The following NRXN3 variants were observed in gnomAD, a reference collection of about 807,000 sequenced individuals.
NRXN3 encodes the protein neurexin III.
A neutral mutation model predicts 137.6 loss-of-function variants in NRXN3; 32 were observed. That is an observed-to-expected ratio of 0.23 (90% CI 0.18 to 0.31). NRXN3 has a LOEUF of 0.31. Ranked by LOEUF, NRXN3 falls within the 10% of genes least tolerant of loss-of-function variation. The pLI is 1.00. For synonymous variants in NRXN3, 798 were observed against 784.5 expected (o/e 1.02, Z -0.29); for missense variants, 1,574 against 2,062.5 (o/e 0.76, Z 4.59).
At chr14:79,741,653 T>C (rs932161499) in intron 19 of NRXN3, among the ~76,000 whole-genome samples, 3 of 151,662 alleles carry the variant, frequency 2.0e-5, no homozygotes, top group African/African-American at 7.3e-5. Flanking sequence ...CTCAGCTAAG[T>C]TTTTGTATTT....
chr14:78,581,612 C>CT (rs1412063266), intron 4 of NRXN3, among the ~76,000 whole-genome samples: 5 of 152,302 alleles, frequency 3.3e-5, no homozygotes, highest in East Asian at 1.9e-4. Context: ...TATAAAAATA[C>CT]TTTTTTGTCT....
At chr14:78,964,065 A>G (rs1157394389) in intron 11 of NRXN3, among the ~76,000 whole-genome samples, 2 of 152,140 alleles carry the variant, frequency 1.3e-5, no homozygotes, top group Non-Finnish European at 2.9e-5. Flanking sequence ...CACTGTCTCC[A>G]GCCAATTCTT....
rs547742644 is a variant in NRXN3 at position 78,441,325 on chromosome 14, C to A, written c.757+143465C>A. On this transcript the variant is annotated intron_variant, in intron 4 of 20. Transcript: ENST00000335750. ...TCTAAATATGTCTTTTTAACCTCTG[C>A]ATCTTTGTTCTTGCAATTTCCTTCA... 2.0e-5 allele frequency among the ~76,000 whole-genome samples: 3 copies of A among 152,292 alleles called. No individual in the cohort carries two copies. In the South Asian group the frequency reaches 6.2e-4, roughly 32 times the overall value.
At chr14:79,208,202 T>C (rs757094090) in intron 15 of NRXN3, among the ~76,000 whole-genome samples, 1 of 152,224 alleles carries the variant, frequency 6.6e-6, no homozygotes. Context: ...TAAACTGTTC[T>C]GGAGACAAAG....
At chr14:78,770,367 C>T (rs961857051) in intron 8 of NRXN3, among the ~76,000 whole-genome samples, 30 of 152,174 alleles carry the variant, frequency 2.0e-4, no homozygotes, top group Non-Finnish European at 4.0e-4. Flanking sequence ...GCCATGATTC[C>T]TTTCAGAGTG....
chr14:79,620,768 T>G (rs1345072598), intron 16 of NRXN3, among the ~76,000 whole-genome samples: 1 of 152,046 alleles, frequency 6.6e-6, no homozygotes, highest in Admixed American at 6.6e-5. Context: ...TATGTAGCAT[T>G]GGAGTCAAAG....
intron 15 of NRXN3, among the ~76,000 whole-genome samples, chr14:79,018,218 C>T (rs1423594213): frequency 1.6e-5 from 2 of 125,910 alleles, no homozygotes; most frequent in Non-Finnish European, 3.1e-5. Flanking sequence ...CAAGATCATG[C>T]CACGGCACTC....
At chr14:78,280,124 A>G (rs1050316610) in intron 3 of NRXN3, among the ~76,000 whole-genome samples, 4 of 152,216 alleles carry the variant, frequency 2.6e-5, no homozygotes, top group Admixed American at 6.5e-5. Context: ...TTTATGTTCC[A>G]GGAACTGTTC....
chr14:78,543,288 C>T (rs1399006007), intron 4 of NRXN3, among the ~76,000 whole-genome samples: 1 of 152,118 alleles, frequency 6.6e-6, no homozygotes, highest in Non-Finnish European at 1.5e-5. Flanking sequence ...CCATAAACCT[C>T]CTGATATTTT....
chr14:79,159,801 C>T (rs886400584), intron 15 of NRXN3, among the ~76,000 whole-genome samples: 1 of 151,826 alleles, frequency 6.6e-6, no homozygotes, highest in Admixed American at 6.6e-5. Context: ...CTCTTACTCC[C>T]TCAAACTAGA....
At chr14:78,434,075 AG>A (rs1380751822) in intron 4 of NRXN3, among the ~76,000 whole-genome samples, 1 of 152,234 alleles carries the variant, frequency 6.6e-6, no homozygotes, top group Non-Finnish European at 1.5e-5. Context: ...CAAAATCATA[AG>A]GCAAATCCTG....
At chr14:78,251,070 C>G (rs1223843000) in intron 2 of NRXN3, among the ~76,000 whole-genome samples, 1 of 151,972 alleles carries the variant, frequency 6.6e-6, no homozygotes, top group Non-Finnish European at 1.5e-5. Context: ...GGGATTGGAC[C>G]CAAGGCTCCG....
At chr14:79,000,634 G>A (rs2099539512) in intron 15 of NRXN3, among the ~76,000 whole-genome samples, 1 of 152,118 alleles carries the variant, frequency 6.6e-6, no homozygotes, top group African/African-American at 2.4e-5. Flanking sequence ...AAATTTCCAT[G>A]TGATTCCCTC....
At chr14:79,057,373 T>C (rs2099667082) in intron 15 of NRXN3, among the ~76,000 whole-genome samples, 2 of 152,360 alleles carry the variant, frequency 1.3e-5, no homozygotes, top group African/African-American at 4.8e-5. Flanking sequence ...GATAGTGCTT[T>C]CTTTATAATT....
Position 79,496,214 on chromosome 14 carries a change from T to TTCTC in NRXN3, c.3444+28833_3444+28836dup, listed in dbSNP as rs149328690. Among the ~76,000 whole-genome samples the TTCTC allele has an allele frequency of 1.0e-2, 1,441 of 144,634 alleles. 19 individuals are homozygous for TTCTC. The highest frequency in any genetic ancestry group is 0.033 in the African/African-American group (1,264 of 38,428). 94.9% of individuals were successfully genotyped at this position (144,634 alleles called of 152,430 possible). ...CTTTACAGGCCTAATTTGAACTTAA[T>TTCTC]TCTCTCTCTCTCTCTCTCTCTCTCA... On this transcript the variant is annotated intron_variant, in intron 16 of 20. Coordinates refer to ENST00000335750, the MANE Select transcript of NRXN3 (RefSeq NM_001330195.2).
At chr14:78,339,285 TGAAG>T (rs2081888029) in intron 4 of NRXN3, among the ~76,000 whole-genome samples, 1 of 152,220 alleles carries the variant, frequency 6.6e-6, no homozygotes, top group Non-Finnish European at 1.5e-5. Context: ...ATGAAGAAAC[TGAAG>T]CACAGAAATG....
At chr14:78,396,400 T>C (rs2091459696) in intron 4 of NRXN3, among the ~76,000 whole-genome samples, 2 of 152,230 alleles carry the variant, frequency 1.3e-5, no homozygotes, top group African/African-American at 4.8e-5. Context: ...AAGAAAAGTC[T>C]ATTTGTCCAC....
intron 19 of NRXN3, among the ~76,000 whole-genome samples, chr14:79,732,176 TTCTC>T (rs2098926375): frequency 6.6e-6 from 1 of 152,138 alleles, no homozygotes; most frequent in Non-Finnish European, 1.5e-5. Flanking sequence ...GCAGTGCTCA[TTCTC>T]TCTCAGCCTC....
chr14:79,466,496 G>A (rs1319005640), intron 15 of NRXN3, among the ~76,000 whole-genome samples: 2 of 152,134 alleles, frequency 1.3e-5, no homozygotes, highest in Non-Finnish European at 2.9e-5. Context: ...GCTAAGGCAG[G>A]AGAATTGCTT....
Sources: gnomAD v4.1 joint callset for allele counts (sites outside exome capture counted in the v4.1 genomes callset) on GRCh38, gnomAD v4.1.1 for gene constraint, MANE v1.5 for transcripts, NCBI Gene and HGNC (gene_info 2026-07-23, HGNC 2026-07-21) for gene names.